SH3TC1: variants seen among roughly 807,000 people sequenced by gnomAD.
The protein encoded by SH3TC1 is SH3 domain and tetratricopeptide repeats 1.
In SH3TC1, 135 loss-of-function variants were observed where a neutral mutation model predicts 117.3. The ratio of observed to expected loss-of-function variants is 1.15; its 90% CI spans 1.00 to 1.33. SH3TC1 has a LOEUF of 1.33. Ranked by LOEUF, SH3TC1 falls within the 40% of genes most tolerant of loss-of-function variation. The probability of loss-of-function intolerance (pLI) is 0.00; values close to 1 mark genes in which losing one functional copy is unlikely to be tolerated. For missense variants in SH3TC1, 2,092 were observed against 1,794.3 expected, an observed-to-expected ratio of 1.17 and a Z score of -3.00; for synonymous variants, 898 against 816.9, an observed-to-expected ratio of 1.10 and a Z score of -1.69.
At chr4:8,223,791 C>A (rs1334303571) in intron 10 of SH3TC1, among the ~76,000 whole-genome samples, 1 of 152,116 alleles carries the variant, frequency 6.6e-6, no homozygotes, top group Non-Finnish European at 1.5e-5. Flanking sequence ...CGCCACCACA[C>A]CCTGGATTAG....
At chr4:8,216,875 C>G in intron 6 of SH3TC1, 82 bp from the exon 7 acceptor site, 1 of 1,435,964 alleles carries the variant, frequency 7.0e-7, no homozygotes, top group East Asian at 2.3e-5. Context: ...CCTTCGTTGT[C>G]TGTCCGGCAG....
chr4:8,187,195 A>G (rs1208979430), intron 1 of SH3TC1, among the ~76,000 whole-genome samples: 1 of 152,180 alleles, frequency 6.6e-6, no homozygotes, highest in Non-Finnish European at 1.5e-5. Flanking sequence ...TGTTTCTCAT[A>G]TTAGACAGGG....
intron 7 of SH3TC1, among the ~76,000 whole-genome samples, chr4:8,217,460 G>T (rs951957321): frequency 5.3e-5 from 8 of 152,252 alleles, no homozygotes; most frequent in Non-Finnish European, 7.3e-5. Flanking sequence ...CATCCGAAAA[G>T]CTTTTGAGGA....
At chr4:8,184,441 G>T (rs922075683) in intron 1 of SH3TC1, among the ~76,000 whole-genome samples, 10 of 149,254 alleles carry the variant, frequency 6.7e-5, no homozygotes, top group African/African-American at 2.5e-4. Flanking sequence ...GTGCAGTGGT[G>T]TGAGCATGGC....
chr4:8,227,099 TG>T lies in SH3TC1; in HGVS notation c.1406del (p.Cys469LeufsTer7). Reference sequence around the variant, plus strand: ...CCAGGAGCCAGCGTCCTGGGGTCTCTGTGCGGCATCCAGCGACGTGAGCTTG... The same window carrying T: ...CCAGGAGCCAGCGTCCTGGGGTCTCTTGCGGCATCCAGCGACGTGAGCTTG... ...CPQEPASWGL[C>X]AASSDVSLQD... On this transcript the variant is annotated frameshift_variant, in exon 12 of 18. Coordinates refer to ENST00000245105, the MANE Select transcript of SH3TC1 (RefSeq NM_018986.5). LOFTEE classifies it high-confidence loss of function. 1 of 1,612,606 alleles carries T rather than the reference TG, an allele frequency of 6.2e-7. No homozygotes were observed. Among genetic ancestry groups the T allele is most frequent in the Non-Finnish European group, 8.5e-7 (1 of 1,179,680 alleles).
upstream of SH3TC1, among the ~76,000 whole-genome samples, chr4:8,194,542 C>T (rs917323390): frequency 6.6e-6 from 1 of 152,178 alleles, no homozygotes; most frequent in African/African-American, 2.4e-5. Context: ...TTTGTTTTCT[C>T]TCTAACTCTA....
rs535463348 is a variant in SH3TC1 at position 8,225,219 on chromosome 4, G to C, written c.1285+3G>C. On this transcript the variant is annotated splice_donor_region_variant and intron_variant, in intron 11 of 17. Transcript: ENST00000245105. This position sits in a 1 kb window ranked among gnomAD's most constrained non-coding sequence, Gnocchi z 5.5. Reference sequence around the variant, plus strand: ...GACCGAGCAGCCGCAGGAAAAAGGTGGGTTTTGCCAGTGGCTCAGGCTTCC... The same window carrying C: ...GACCGAGCAGCCGCAGGAAAAAGGTCGGTTTTGCCAGTGGCTCAGGCTTCC... 1 of 1,613,472 alleles carries C rather than the reference G, an allele frequency of 6.2e-7. No homozygotes were observed. Among genetic ancestry groups the C allele is most frequent in the Non-Finnish European group, 8.5e-7 (1 of 1,179,756 alleles).
rs983657358 is a variant in SH3TC1 at position 8,225,946 on chromosome 4, C to T, written c.1285+730C>T. On this transcript the variant is annotated intron_variant, in intron 11 of 17. Coordinates refer to ENST00000245105, the MANE Select transcript of SH3TC1 (RefSeq NM_018986.5). This position sits in a 1 kb window ranked among gnomAD's most constrained non-coding sequence, Gnocchi z 5.5. ...CAAATGCGAGTGACTCCAGCTGCCC[C>T]CAAGGCCAGGGTAATAGCTGGGAGG... is the stretch of plus-strand genomic sequence containing the variant. 6.6e-6 allele frequency among the ~76,000 whole-genome samples: 1 copy of T among 152,070 alleles called. No individual in the cohort carries two copies. The highest frequency in any genetic ancestry group is 1.5e-5 in the Non-Finnish European group (1 of 68,022).
rs1718575450 is a variant in SH3TC1 at position 8,210,596 on chromosome 4, A to AC, written c.247+778dup. Reference sequence around the variant, plus strand: ...AGATCAGCCTGGCCCATATGGTGAAACCCCATCTCTACTAAAAATACAAAA... The same window carrying AC: ...AGATCAGCCTGGCCCATATGGTGAAACCCCCATCTCTACTAAAAATACAAAA... On this transcript the variant is annotated intron_variant, in intron 3 of 17. Coordinates refer to ENST00000245105, the MANE Select transcript of SH3TC1 (RefSeq NM_018986.5). The surrounding 1 kb of genome is among the most constrained non-coding windows in gnomAD (Gnocchi z 4.1). Among the ~76,000 whole-genome samples the AC allele has an allele frequency of 6.6e-6, 1 of 152,074 alleles. No individual in the cohort carries two copies.
At chr4:8,219,281 G>A (rs1719658882) in intron 8 of SH3TC1, 54 bp from the exon 9 acceptor site, 6 of 1,491,470 alleles carry the variant, frequency 4.0e-6, no homozygotes, top group South Asian at 1.4e-5. Context: ...CTGTCTGCCC[G>A]CTCTGGCCCC....
In SH3TC1 at chr4:8,183,345, G is replaced by A. The variant is rs561553649; in HGVS notation, c.-57+1135G>A. Among the ~76,000 whole-genome samples, 2 of 152,268 alleles carry A rather than the reference G, an allele frequency of 1.3e-5. No homozygotes were observed. The highest frequency in any genetic ancestry group is 2.1e-4 in the South Asian group (1 of 4,822). ...GGATGCCCTTCCAAAGCCCTGCCTCGGTTTCCTGGTGCTGTGGGAACAATG... is the reference window on the plus strand; with the variant it reads ...GGATGCCCTTCCAAAGCCCTGCCTCAGTTTCCTGGTGCTGTGGGAACAATG... On this transcript the variant is annotated intron_variant, in intron 1 of 16. Transcript: ENST00000508641. The surrounding 1 kb of genome is among the most constrained non-coding windows in gnomAD (Gnocchi z 5.4).
rs1215883330 is a variant in SH3TC1, at chr4:8,228,430, G to A, written c.2736G>A (p.Leu912=). ...QAVGLANFGA[L]CLHAGASRLA... Reference sequence around the variant, plus strand: ...TGGGGCTGGCCAACTTCGGGGCCCTGTGCCTGCATGCGGGTGCCAGCAGGC... The same window carrying A: ...TGGGGCTGGCCAACTTCGGGGCCCTATGCCTGCATGCGGGTGCCAGCAGGC... Residue 912 remains leucine, a synonymous_variant, in exon 12 of 18, where the codon CTG becomes CTA. Coordinates refer to ENST00000245105, the MANE Select transcript of SH3TC1 (RefSeq NM_018986.5). 1 of 1,605,264 alleles carries A rather than the reference G, an allele frequency of 6.2e-7. No homozygotes were observed. The highest frequency in any genetic ancestry group is 8.5e-7 in the Non-Finnish European group (1 of 1,175,668).
Position 8,225,493 on chromosome 4 carries a change from C to T in SH3TC1, c.1285+277C>T, listed in dbSNP as rs999752212. On this transcript the variant is annotated intron_variant, in intron 11 of 17. Coordinates refer to ENST00000245105, the MANE Select transcript of SH3TC1 (RefSeq NM_018986.5). This position sits in a 1 kb window ranked among gnomAD's most constrained non-coding sequence, Gnocchi z 5.5. ...GGAGCATCCTTTCCACTGCTTGGGT[C>T]CACTTGTAGCTGTGGGTTCCTTTCT... Among the ~76,000 whole-genome samples, 1 of 152,154 alleles carries T rather than the reference C, an allele frequency of 6.6e-6. No homozygotes were observed. Among genetic ancestry groups the T allele is most frequent in the African/African-American group, 2.4e-5 (1 of 41,450 alleles).
chr4:8,239,498 G>T (rs778030711), intron 17 of SH3TC1, among the ~76,000 whole-genome samples: 1 of 146,326 alleles, frequency 6.8e-6, no homozygotes, highest in African/African-American at 2.6e-5. Context: ...ACAGGCACAC[G>T]CAAATGCACC....
At chr4:8,231,637 T>C in intron 12 of SH3TC1, 1 of 303,388 alleles carries the variant, frequency 3.3e-6, no homozygotes, top group Admixed American at 4.6e-5. Flanking sequence ...GGGTTCCATC[T>C]GCGACAGGGG....
intron 1 of SH3TC1, among the ~76,000 whole-genome samples, chr4:8,200,653 G>A (rs959792760): frequency 5.9e-5 from 9 of 152,234 alleles, no homozygotes; most frequent in East Asian, 1.9e-4. Flanking sequence ...GCACGGGTGC[G>A]CCGGTTTCCC....
In SH3TC1 at chr4:8,206,954, C is replaced by T. The variant is rs1312644439; in HGVS notation, c.172+1588C>T. Reference sequence around the variant, plus strand: ...GTGTCCATATTTCCTAAAACCAGTACATTCTCTTATATAACCGCATTGTAA... The same window carrying T: ...GTGTCCATATTTCCTAAAACCAGTATATTCTCTTATATAACCGCATTGTAA... On this transcript the variant is annotated intron_variant, in intron 2 of 17. Coordinates refer to ENST00000245105, the MANE Select transcript of SH3TC1 (RefSeq NM_018986.5). The surrounding 1 kb of genome is among the most constrained non-coding windows in gnomAD (Gnocchi z 5.5). 2.0e-5 allele frequency among the ~76,000 whole-genome samples: 3 copies of T among 151,528 alleles called. No individual in the cohort carries two copies. Among genetic ancestry groups the T allele is most frequent in the Non-Finnish European group, 4.4e-5 (3 of 67,944 alleles).
chr4:8,225,488 T>C lies in SH3TC1; in HGVS notation c.1285+272T>C, dbSNP rs1198384861. Among the ~76,000 whole-genome samples the C allele has an allele frequency of 6.6e-6, 1 of 152,140 alleles. No individual in the cohort carries two copies. The highest frequency in any genetic ancestry group is 1.5e-5 in the Non-Finnish European group (1 of 68,014). On this transcript the variant is annotated intron_variant, in intron 11 of 17. Transcript: ENST00000245105. This position sits in a 1 kb window ranked among gnomAD's most constrained non-coding sequence, Gnocchi z 5.5. Reference sequence around the variant, plus strand: ...AAGATGGAGCATCCTTTCCACTGCTTGGGTCCACTTGTAGCTGTGGGTTCC... The same window carrying C: ...AAGATGGAGCATCCTTTCCACTGCTCGGGTCCACTTGTAGCTGTGGGTTCC...
chr4:8,216,413 T>C (rs555388514), intron 6 of SH3TC1, among the ~76,000 whole-genome samples, 156 bp downstream of exon 6: 105 of 152,248 alleles, frequency 6.9e-4, no homozygotes, highest in African/African-American at 2.5e-3. Flanking sequence ...GGAGGTGTGC[T>C]TGGTGTGGCA....
Sources: allele counts gnomAD v4.1 joint callset (sites outside exome capture counted in the v4.1 genomes callset), GRCh38; gene constraint gnomAD v4.1.1; non-coding constraint Gnocchi (gnomAD v3.1); transcripts MANE v1.5; gene names NCBI Gene and HGNC (gene_info 2026-07-23, HGNC 2026-07-21).